LETM1: variants seen among roughly 807,000 people sequenced by gnomAD.
The protein encoded by LETM1 is leucine zipper and EF-hand containing transmembrane protein 1, also known as mitochondrial proton/calcium exchanger protein.
LETM1 carries 50 observed loss-of-function variants against 74.5 expected under a neutral mutation model. That is an observed-to-expected ratio of 0.67 (90% CI 0.53 to 0.85). The LOEUF is 0.85. Among genes scored for constraint, LETM1 ranks in the 40% least tolerant of loss-of-function variants. The pLI is 0.00. For synonymous variants in LETM1, 446 were observed against 407.1 expected, an observed-to-expected ratio of 1.10 and a Z score of -1.15; for missense variants, 824 against 967.8, an observed-to-expected ratio of 0.85 and a Z score of 1.97.
chr4:1,837,667 T>G (rs1712503202), intron 3 of LETM1, among the ~76,000 whole-genome samples: 1 of 151,972 alleles, frequency 6.6e-6, no homozygotes, highest in African/African-American at 2.4e-5. Context: ...ATTTATACAT[T>G]GCAAAACCAT....
rs765893540 is a variant in LETM1, at chr4:1,836,611, A to G, written c.595-39T>C. On this transcript the variant is annotated intron_variant, in intron 3 of 13. Coordinates refer to ENST00000302787, the MANE Select transcript of LETM1 (RefSeq NM_012318.3). The surrounding 1 kb of genome is among the most constrained non-coding windows in gnomAD (Gnocchi z 5.8). ...AATCCATCAGAGGGGAGCAGAGCAC[A>G]TGTGGGAACAAGGGCAAGGGGTGTG... 5 of 1,609,000 alleles carry G rather than the reference A, an allele frequency of 3.1e-6. No individual in the cohort carries two copies. The highest frequency in any genetic ancestry group is 1.1e-5 in the South Asian group (1 of 90,988).
At chr4:1,823,846 T>C in intron 7 of LETM1, 71 bp from the exon 8 acceptor site, 2 of 1,501,534 alleles carry the variant, frequency 1.3e-6, no homozygotes, top group Non-Finnish European at 1.8e-6. Context: ...GGTCCGCCCA[T>C]CTCATCACCA....
intron 2 of LETM1, 97 bp from the exon 3 acceptor site, chr4:1,841,894 G>T: frequency 1.2e-6 from 1 of 856,338 alleles, no homozygotes; most frequent in Non-Finnish European, 1.9e-6. Context: ...CACATGCCCC[G>T]TGCCATGCCA....
chr4:1,854,289 G>C (rs1349015667), intron 1 of LETM1, among the ~76,000 whole-genome samples: 1 of 151,048 alleles, frequency 6.6e-6, no homozygotes, highest in Non-Finnish European at 1.5e-5. Flanking sequence ...AGACCGGCCT[G>C]ACCAACATGG....
At chr4:1,855,788 A>G in intron 1 of LETM1, 81 bp downstream of exon 1, 1 of 885,736 alleles carries the variant, frequency 1.1e-6, no homozygotes, top group Non-Finnish European at 1.5e-6. Context: ...CGCCGTGACA[A>G]CCAGCCCGAA....
chr4:1,838,397 CAGG>C (rs1712563326), intron 3 of LETM1, among the ~76,000 whole-genome samples: 1 of 152,058 alleles, frequency 6.6e-6, no homozygotes, highest in Admixed American at 6.6e-5. Flanking sequence ...TGCGCCCGGC[CAGG>C]ATTATCTTTA....
At position 1,814,192 on chromosome 4, in the gene LETM1, G is replaced by T; in HGVS notation, c.*232C>A. Reference sequence around the variant, plus strand: ...CCTCTGGAGCCAGGAGGCCGTGGCAGCCACACCACAGTGTGGATCCAGACA... The same window carrying T: ...CCTCTGGAGCCAGGAGGCCGTGGCATCCACACCACAGTGTGGATCCAGACA... On this transcript the variant is annotated 3_prime_UTR_variant, in exon 14 of 14. Transcript: ENST00000302787. The T allele has an allele frequency of 1.5e-6, 1 of 672,068 alleles. No individual in the cohort carries two copies. The highest frequency in any genetic ancestry group is 1.9e-5 in the South Asian group (1 of 52,228). The allele number at this position is 672,068 out of a possible 1,614,324, so 41.6% of individuals were successfully genotyped here.
intron 6 of LETM1, among the ~76,000 whole-genome samples, chr4:1,830,298 T>G (rs1712220619): frequency 6.6e-6 from 1 of 152,360 alleles, no homozygotes; most frequent in African/African-American, 2.4e-5. Context: ...CTTTAGATAT[T>G]GTACTTTTCA....
At position 1,814,152 on chromosome 4, in the gene LETM1, G is replaced by T; in HGVS notation, c.*272C>A. The stretch of plus-strand genomic sequence containing the variant: ...ACACATGGGGGCGCCTTCCTGCCTT[G>T]GCCCAGCCCAGCTGCCTCTGGAGCC... On this transcript the variant is annotated 3_prime_UTR_variant, in exon 14 of 14. Transcript: ENST00000302787. 1 of 483,182 alleles carries T rather than the reference G, an allele frequency of 2.1e-6. No homozygotes were observed. Among genetic ancestry groups the T allele is most frequent in the Non-Finnish European group, 3.7e-6 (1 of 267,218 alleles). 29.9% of individuals were successfully genotyped at this position (483,182 alleles called of 1,614,324 possible). A position where few individuals can be genotyped will look rare whatever the true frequency, so the allele number is the denominator to read the frequency against.
chr4:1,823,246 C>T, intron 8 of LETM1, 115 bp from the exon 9 acceptor site: 1 of 1,338,246 alleles, frequency 7.5e-7, no homozygotes, highest in Non-Finnish European at 1.0e-6. Flanking sequence ...GGGCTTCACA[C>T]ACACAGGACA....
chr4:1,829,340 C>CGG (rs1712172441), intron 6 of LETM1, among the ~76,000 whole-genome samples: 1 of 140,076 alleles, frequency 7.1e-6, no homozygotes, highest in African/African-American at 2.8e-5. Context: ...GCTGGCCAGG[C>CGG]GGAGGGCTGA....
At chr4:1,840,697 AAAT>A (rs1553853000) in intron 3 of LETM1, among the ~76,000 whole-genome samples, 1 of 151,072 alleles carries the variant, frequency 6.6e-6, no homozygotes, top group African/African-American at 2.4e-5. Flanking sequence ...ATAAATATAA[AAAT>A]AATAATAATA....
chr4:1,855,866 T>A lies in LETM1; in HGVS notation c.82+3A>T, dbSNP rs944002107. On this transcript the variant is annotated splice_donor_region_variant and intron_variant, in intron 1 of 13. Transcript: ENST00000302787. Reference sequence around the variant, plus strand: ...GCCCCGCCCTGGGGTGCCCGCCGCTTACCCCGCGGGACGGTGTACCGAGGC... The same window carrying A: ...GCCCCGCCCTGGGGTGCCCGCCGCTAACCCCGCGGGACGGTGTACCGAGGC... The A allele has an allele frequency of 8.1e-7, 1 of 1,229,380 alleles. No individual in the cohort carries two copies. Among genetic ancestry groups the A allele is most frequent in the Non-Finnish European group, 1.0e-6 (1 of 987,630 alleles). 76.2% of individuals were successfully genotyped at this position (1,229,380 alleles called of 1,614,324 possible).
rs1031864706 is a variant in LETM1, at chr4:1,823,581, A to C, written c.1332+63T>G. 1.9e-6 allele frequency: 3 copies of C among 1,598,470 alleles called. No individual in the cohort carries two copies. In the African/African-American group the frequency reaches 4.0e-5, roughly 21 times the overall value. On this transcript the variant is annotated intron_variant, in intron 8 of 13. Transcript: ENST00000302787. The stretch of plus-strand genomic sequence containing the variant: ...TGAGTGCGCTTGCACACCTCCCCCC[A>C]CCCCAGAAGAGCGGAGCCACCTATG...
intron 2 of LETM1, chr4:1,842,900 C>G (rs1712752650): frequency 4.5e-6 from 1 of 222,030 alleles, no homozygotes; most frequent in Non-Finnish European, 9.6e-6. Context: ...AACAGCTGAC[C>G]TGCGCGAGGC....
chr4:1,831,415 G>C (rs571808070), intron 6 of LETM1, among the ~76,000 whole-genome samples: 1 of 152,234 alleles, frequency 6.6e-6, no homozygotes, highest in South Asian at 2.1e-4. Context: ...GAGGGCAGAA[G>C]CATCTCAGTA....
At chr4:1,855,823 C>T (rs1189820255) in intron 1 of LETM1, 46 bp downstream of exon 1, 1 of 1,138,796 alleles carries the variant, frequency 8.8e-7, no homozygotes. Context: ...GCGCTCCCGA[C>T]CCACCAGCCG....
intron 5 of LETM1, chr4:1,833,214 G>C (rs1712342999): frequency 4.3e-6 from 2 of 461,512 alleles, no homozygotes; most frequent in African/African-American, 3.9e-5. Flanking sequence ...TGGGATTACA[G>C]GCTGCGCCAC....
chr4:1,825,560 G>A lies in LETM1; in HGVS notation c.1200+4C>T, dbSNP rs373020080. ...GGCCTGGCACCAGGCCAATATTCACGCACCTGCTTCAGCTGACCCCTCAGG... is the reference window on the plus strand; with the variant it reads ...GGCCTGGCACCAGGCCAATATTCACACACCTGCTTCAGCTGACCCCTCAGG... On this transcript the variant is annotated splice_donor_region_variant and intron_variant, in intron 7 of 13. Coordinates refer to ENST00000302787, the MANE Select transcript of LETM1 (RefSeq NM_012318.3). The A allele has an allele frequency of 1.6e-4, 260 of 1,608,798 alleles. 1 individual carries two copies. The highest frequency in any genetic ancestry group is 3.0e-4 in the South Asian group (27 of 90,938).
Sources: allele counts gnomAD v4.1 joint callset (sites outside exome capture counted in the v4.1 genomes callset), GRCh38; gene constraint gnomAD v4.1.1; non-coding constraint Gnocchi (gnomAD v3.1); transcripts MANE v1.5; gene names NCBI Gene and HGNC (gene_info 2026-07-23, HGNC 2026-07-21).